Variants in ZFHX4 observed in about 807,000 individuals in gnomAD.
ZFHX4 encodes zinc finger homeobox 4.
Under a neutral mutation model 267.6 loss-of-function variants are expected in ZFHX4, and 56 were observed. The observed-to-expected ratio is 0.21, with a 90% CI of 0.17 to 0.26. The LOEUF (loss-of-function observed/expected upper bound fraction) is 0.26. Ranked by LOEUF, ZFHX4 falls within the 10% of genes least tolerant of loss-of-function variation. ZFHX4 has a pLI of 1.00. For missense variants in ZFHX4, 4,332 were observed against 4,420.0 expected (o/e 0.98, Z 0.56); for synonymous variants, 1,778 against 1,665.6 (o/e 1.07, Z -1.64).
rs1463729686 is a variant in ZFHX4 at position 76,864,029 on chromosome 8, G to A, written c.10315G>A (p.Val3439Met). Reference sequence around the variant, plus strand: ...GCCTTTGATTGACCCACAAGAGACAGTGCTTCGTGTCCCAGTCAGCAAATA... The same window carrying A: ...GCCTTTGATTGACCCACAAGAGACAATGCTTCGTGTCCCAGTCAGCAAATA... ...GQPLIDPQET[V>M]LRVPVSKYQC... The change falls in exon 11 of 11, where the codon GTG (valine) becomes ATG (methionine). Residue 3439 changes from valine to methionine, a missense_variant. By Grantham distance (21) the Val-to-Met change is conservative. Transcript: ENST00000651372. The A allele has an allele frequency of 6.2e-7, 1 of 1,613,870 alleles. No homozygotes were observed. Among genetic ancestry groups the A allele is most frequent in the Admixed American group, 1.7e-5 (1 of 60,002 alleles).
intron 1 of ZFHX4, among the ~76,000 whole-genome samples, chr8:76,699,313 T>G (rs1309774552): frequency 1.3e-5 from 2 of 152,192 alleles, no homozygotes; most frequent in Non-Finnish European, 2.9e-5. Context: ...TTTGAAACCT[T>G]TTCACTTAAT....
chr8:76,826,090 T>A (rs1811778047), intron 4 of ZFHX4, among the ~76,000 whole-genome samples: 1 of 152,218 alleles, frequency 6.6e-6, no homozygotes, highest in African/African-American at 2.4e-5. Flanking sequence ...GTATCTGCTC[T>A]TGGTGATGGC....
intron 5 of ZFHX4, among the ~76,000 whole-genome samples, chr8:76,836,267 T>A (rs1812091092): frequency 6.6e-6 from 1 of 152,180 alleles, no homozygotes; most frequent in Non-Finnish European, 1.5e-5. Context: ...TGTGGTCCCC[T>A]TTCAAACAGC....
At chr8:76,708,860 A>C (rs930904333) in intron 3 of ZFHX4, among the ~76,000 whole-genome samples, 1 of 152,180 alleles carries the variant, frequency 6.6e-6, no homozygotes, top group Non-Finnish European at 1.5e-5. Context: ...TTCATGTACA[A>C]ATATAACACA....
chr8:76,791,053 T>G (rs1810822738), intron 4 of ZFHX4, among the ~76,000 whole-genome samples: 1 of 152,208 alleles, frequency 6.6e-6, no homozygotes, highest in Non-Finnish European at 1.5e-5. Flanking sequence ...TGCTTAATAT[T>G]TGACTTCAAT....
chr8:76,783,667 A>AT (rs979883903), intron 4 of ZFHX4, among the ~76,000 whole-genome samples: 4 of 152,032 alleles, frequency 2.6e-5, no homozygotes, highest in African/African-American at 9.7e-5. Flanking sequence ...AAAATGTAAG[A>AT]TAGCCATCAT....
In ZFHX4 at chr8:76,867,228, TTCA is replaced by T; in HGVS notation, c.*2667_*2669del. ...TTTGAACTTATTCTTCTGGAAATAGTTCATCAAGTATGTTTGTTGCTCATTGTG... is the reference window on the plus strand; with the variant it reads ...TTTGAACTTATTCTTCTGGAAATAGTTCAAGTATGTTTGTTGCTCATTGTG... On this transcript the variant is annotated 3_prime_UTR_variant, in exon 11 of 11. Transcript: ENST00000651372. 1 of 152,634 alleles carries T rather than the reference TTCA, an allele frequency of 6.6e-6. No homozygotes were observed. 9.5% of individuals were successfully genotyped at this position (152,634 alleles called of 1,614,324 possible).
At chr8:76,767,044 GGT>G (rs34640815) in intron 3 of ZFHX4, among the ~76,000 whole-genome samples, 45,330 of 146,254 alleles carry the variant, frequency 0.31, 8,429 homozygotes, top group African/African-American at 0.54. Context: ...CTCATAAAGG[GGT>G]GTGTGTGTGT....
intron 3 of ZFHX4, among the ~76,000 whole-genome samples, chr8:76,719,873 G>A (rs1229268774): frequency 6.6e-6 from 1 of 152,124 alleles, no homozygotes; most frequent in African/African-American, 2.4e-5. Context: ...TTTTAAGAAA[G>A]CAGTTCTGCA....
chr8:76,746,375 T>C (rs1809460314), intron 3 of ZFHX4, among the ~76,000 whole-genome samples: 1 of 152,120 alleles, frequency 6.6e-6, no homozygotes, highest in African/African-American at 2.4e-5. Flanking sequence ...ATGACTGTAC[T>C]CCAGCCTGGG....
At chr8:76,809,090 G>A (rs16939370) in intron 4 of ZFHX4, among the ~76,000 whole-genome samples, 14 of 151,816 alleles carry the variant, frequency 9.2e-5, no homozygotes, top group African/African-American at 2.7e-4. Flanking sequence ...TATCATACCC[G>A]TATCACTCAA....
rs1812603754 is a variant in ZFHX4 at position 76,853,368 on chromosome 8, C to T, written c.6447C>T (p.Asp2149=). 6.2e-7 allele frequency: 1 copy of T among 1,613,684 alleles called. No individual in the cohort carries two copies. Among genetic ancestry groups the T allele is most frequent in the Non-Finnish European group, 8.5e-7 (1 of 1,179,868 alleles). Residue 2149 remains aspartate (D), a synonymous_variant, in exon 10 of 11, where the codon GAC becomes GAT. Coordinates refer to ENST00000651372, the MANE Select transcript of ZFHX4 (RefSeq NM_024721.5). ...TAAAAATCCTGAGGGCTTATTTTGA[C>T]ATTAATAATTCTCCAAGTGAAGAAC... ...DQLKILRAYF[D]INNSPSEEQI...
At chr8:76,834,087 A>AATAT in intron 5 of ZFHX4, 1 of 428,412 alleles carries the variant, frequency 2.3e-6, no homozygotes, top group Non-Finnish European at 4.7e-6. Context: ...AGTGCTGAAT[A>AATAT]ATATATATAT....
At chr8:76,701,048 A>G (rs1443440726) in intron 1 of ZFHX4, among the ~76,000 whole-genome samples, 1 of 152,142 alleles carries the variant, frequency 6.6e-6, no homozygotes, top group Non-Finnish European at 1.5e-5. Context: ...TGATAAAAGA[A>G]AGACCTCGTC....
At position 76,707,850 on chromosome 8, in the gene ZFHX4, T is replaced by A. The variant is rs1206956076; in HGVS notation, c.2895T>A (p.Asp965Glu). 1 of 1,614,104 alleles carries A rather than the reference T, an allele frequency of 6.2e-7. No homozygotes were observed. The highest frequency in any genetic ancestry group is 1.1e-5 in the South Asian group (1 of 91,086). ...ACTTCCAGCTACACTGCAAGACTGATAAACATATGCAGAAATATCAACTGG... is the reference window on the plus strand; with the variant it reads ...ACTTCCAGCTACACTGCAAGACTGAAAAACATATGCAGAAATATCAACTGG... ...KANFQLHCKT[D>E]KHMQKYQLVA... Residue 965 changes from aspartate to glutamate, a missense_variant, in exon 3 of 11, where the codon GAT becomes GAA. Asp to Glu is a conservative substitution (Grantham distance 45). Transcript: ENST00000651372.
chr8:76,810,907 C>T (rs1412288498), intron 4 of ZFHX4, among the ~76,000 whole-genome samples: 1 of 152,130 alleles, frequency 6.6e-6, no homozygotes, highest in Non-Finnish European at 1.5e-5. Context: ...TCCTTCCTTT[C>T]TGTCCTTCAG....
chr8:76,769,472 C>T (rs1331714270), intron 3 of ZFHX4, among the ~76,000 whole-genome samples: 1 of 152,084 alleles, frequency 6.6e-6, no homozygotes, highest in African/African-American at 2.4e-5. Context: ...ACTTCAGCCT[C>T]ACCAGTAGCT....
intron 3 of ZFHX4, among the ~76,000 whole-genome samples, chr8:76,742,421 A>G (rs891422608): frequency 6.6e-6 from 1 of 152,166 alleles, no homozygotes; most frequent in Non-Finnish European, 1.5e-5. Context: ...CTTACGTTTA[A>G]TTACTAACTC....
Position 76,706,194 on chromosome 8 carries a change from G to A in ZFHX4, c.2106G>A (p.Glu702=), listed in dbSNP as rs778253982. Residue 702 remains glutamate (E), a synonymous_variant, in exon 2 of 11, where the codon GAG becomes GAA. Transcript: ENST00000651372. The part of the protein sequence containing the change: ...YTCGYKPFRC[E]VCNYSTTTKG... ...GTGGCTATAAACCCTTCCGTTGTGAGGTTTGTAACTACTCTACCACTACCA... is the reference window on the plus strand; with the variant it reads ...GTGGCTATAAACCCTTCCGTTGTGAAGTTTGTAACTACTCTACCACTACCA... 2.0e-5 allele frequency: 33 copies of A among 1,613,928 alleles called. No individual in the cohort carries two copies. The East Asian group carries it at 7.1e-4, about 35-fold the overall frequency.
Sources: gnomAD v4.1 joint callset for allele counts (sites outside exome capture counted in the v4.1 genomes callset) on GRCh38, gnomAD v4.1.1 for gene constraint, MANE v1.5 for transcripts, NCBI Gene and HGNC (gene_info 2026-07-23, HGNC 2026-07-21) for gene names.